DLGAP1: variants seen among roughly 807,000 people sequenced by gnomAD.
DLGAP1 encodes disks large-associated protein 1.
A neutral mutation model predicts 90.8 loss-of-function variants in DLGAP1; 11 were observed. That is an observed-to-expected ratio of 0.12 (90% confidence interval 0.08 to 0.20). The LOEUF is 0.20. Among genes scored for constraint, DLGAP1 ranks in the 10% least tolerant of loss-of-function variants. The pLI is 1.00. For synonymous variants in DLGAP1, 558 were observed against 540.7 expected, an observed-to-expected ratio of 1.03 and a Z score of -0.44; for missense variants, 1,050 against 1,333.8, an observed-to-expected ratio of 0.79 and a Z score of 3.31.
chr18:4,313,055 TA>T (rs1214497716), intron 1 of DLGAP1, among the ~76,000 whole-genome samples: 2 of 152,176 alleles, frequency 1.3e-5, no homozygotes, highest in African/African-American at 2.4e-5. Context: ...TTTCCTCTCC[TA>T]AAAAATTATG....
At chr18:4,434,954 C>A (rs902307873) in intron 1 of DLGAP1, among the ~76,000 whole-genome samples, 1 of 152,134 alleles carries the variant, frequency 6.6e-6, no homozygotes, top group Non-Finnish European at 1.5e-5. Context: ...AGAGTTAAGG[C>A]TGGAAAATTA....
At chr18:4,280,090 G>A (rs373415818) in intron 1 of DLGAP1, among the ~76,000 whole-genome samples, 2 of 151,656 alleles carry the variant, frequency 1.3e-5, no homozygotes, top group South Asian at 2.1e-4. Context: ...ATGACATACT[G>A]GCTGTTGGTT....
chr18:4,269,333 C>CATATAT (rs66677805), intron 1 of DLGAP1, among the ~76,000 whole-genome samples: 5 of 139,786 alleles, frequency 3.6e-5, no homozygotes, highest in South Asian at 2.2e-4. Flanking sequence ...TTTATATATA[C>CATATAT]ATATATATAT....
chr18:4,246,489 A>G (rs895955919), intron 1 of DLGAP1, among the ~76,000 whole-genome samples: 1 of 152,198 alleles, frequency 6.6e-6, no homozygotes, highest in Non-Finnish European at 1.5e-5. Context: ...CAGAGAACTC[A>G]GCAGGGAACA....
At chr18:3,701,870 G>A in intron 7 of DLGAP1, among the ~76,000 whole-genome samples, 1 of 152,158 alleles carries the variant, frequency 6.6e-6, no homozygotes, top group East Asian at 1.9e-4. Context: ...TCAAGAGTGA[G>A]AAGAGTCGTA....
At chr18:4,189,285 C>T (rs1424891147) in intron 1 of DLGAP1, among the ~76,000 whole-genome samples, 2 of 152,006 alleles carry the variant, frequency 1.3e-5, no homozygotes, top group Admixed American at 6.6e-5. Flanking sequence ...AGGTCCTTCC[C>T]AGATGTTGCA....
chr18:4,103,208 G>A (rs2075807685), intron 2 of DLGAP1, among the ~76,000 whole-genome samples: 1 of 152,080 alleles, frequency 6.6e-6, no homozygotes, highest in African/African-American at 2.4e-5. Context: ...TTTTAGAACT[G>A]ATGGAAACAC....
intron 9 of DLGAP1, among the ~76,000 whole-genome samples, chr18:3,539,106 G>A (rs905814301): frequency 1.3e-5 from 2 of 152,182 alleles, no homozygotes; most frequent in Non-Finnish European, 2.9e-5. Context: ...CTTCTACTCA[G>A]AGCTTTCAAA....
chr18:4,083,365 T>C (rs184167311), intron 2 of DLGAP1, among the ~76,000 whole-genome samples: 262 of 152,368 alleles, frequency 1.7e-3, no homozygotes, highest in African/African-American at 6.1e-3. Context: ...AAACAGTGTG[T>C]CTTTTTCTTT....
chr18:4,345,722 C>T (rs1235758817), intron 1 of DLGAP1, among the ~76,000 whole-genome samples: 1 of 152,202 alleles, frequency 6.6e-6, no homozygotes, highest in Non-Finnish European at 1.5e-5. Context: ...ATCTTAAACA[C>T]CTCAATCGAT....
chr18:4,247,936 C>G (rs1042510176), intron 1 of DLGAP1, among the ~76,000 whole-genome samples: 1 of 152,186 alleles, frequency 6.6e-6, no homozygotes, highest in Non-Finnish European at 1.5e-5. Context: ...CAAATTCCCA[C>G]TATCTGAGAA....
intron 7 of DLGAP1, among the ~76,000 whole-genome samples, chr18:3,600,689 T>C (rs1599459155): frequency 1.4e-5 from 1 of 73,746 alleles, no homozygotes; most frequent in Non-Finnish European, 2.8e-5. Flanking sequence ...TCTATAGAGA[T>C]CTATATAGAT....
intron 1 of DLGAP1, among the ~76,000 whole-genome samples, chr18:4,176,515 C>A (rs1048111240): frequency 6.6e-6 from 1 of 152,204 alleles, no homozygotes; most frequent in Admixed American, 6.5e-5. Flanking sequence ...CCTATCTGCT[C>A]CATCTAGGAG....
At chr18:3,548,461 A>AG (rs200564437) in intron 9 of DLGAP1, among the ~76,000 whole-genome samples, 2,335 of 149,508 alleles carry the variant, frequency 0.016, 67 homozygotes, top group African/African-American at 0.055. Flanking sequence ...TATAAAAAGA[A>AG]AAAAAAAAAA....
At chr18:4,412,702 T>C (rs891185024) in intron 1 of DLGAP1, among the ~76,000 whole-genome samples, 5 of 152,154 alleles carry the variant, frequency 3.3e-5, no homozygotes, top group African/African-American at 1.2e-4. Context: ...AAGGTGGCTC[T>C]CTGAAATTTG....
chr18:4,117,043 G>A (rs1429779593), intron 2 of DLGAP1, among the ~76,000 whole-genome samples: 1 of 152,176 alleles, frequency 6.6e-6, no homozygotes, highest in Non-Finnish European at 1.5e-5. Context: ...GGTCATATGA[G>A]TGGGCCCTAA....
intron 7 of DLGAP1, among the ~76,000 whole-genome samples, chr18:3,628,082 G>A (rs1250116664): frequency 6.6e-6 from 1 of 151,636 alleles, no homozygotes; most frequent in Non-Finnish European, 1.5e-5. Flanking sequence ...CACTATGTTG[G>A]CCAGGCTGGT....
chr18:3,755,753 G>A (rs549203410), intron 5 of DLGAP1, among the ~76,000 whole-genome samples: 35 of 151,834 alleles, frequency 2.3e-4, no homozygotes, highest in African/African-American at 7.8e-4. Flanking sequence ...TCTCAGCAAT[G>A]GATAACACAA....
chr18:4,044,503 G>A (rs1308364765), intron 2 of DLGAP1, among the ~76,000 whole-genome samples: 1 of 152,188 alleles, frequency 6.6e-6, no homozygotes, highest in Non-Finnish European at 1.5e-5. Flanking sequence ...AGCACTTTGG[G>A]AGGCCGAGGC....
Sources: allele counts gnomAD v4.1 joint callset (sites outside exome capture counted in the v4.1 genomes callset), GRCh38; gene constraint gnomAD v4.1.1; transcripts MANE v1.5; gene names NCBI Gene and HGNC (gene_info 2026-07-23, HGNC 2026-07-21).